GRAMD2B: variants seen among roughly 807,000 people sequenced by gnomAD.
GRAMD2B encodes GRAM domain-containing protein 2B.
A neutral mutation model predicts 59.2 loss-of-function variants in GRAMD2B; 41 were observed. The observed-to-expected ratio is 0.69, with a 90% CI of 0.54 to 0.90. The LOEUF (loss-of-function observed/expected upper bound fraction) is 0.90. GRAMD2B is among the 40% of genes least tolerant of loss of function. The pLI, the probability that GRAMD2B is intolerant of heterozygous loss-of-function variation, is 0.00. For synonymous variants in GRAMD2B, 161 were observed against 182.7 expected, an observed-to-expected ratio of 0.88 and a Z score of 0.96; for missense variants, 424 against 500.5, an observed-to-expected ratio of 0.85 and a Z score of 1.46.
intron 1 of GRAMD2B, among the ~76,000 whole-genome samples, chr5:126,455,302 C>T (rs994406093): frequency 2.0e-5 from 3 of 152,034 alleles, no homozygotes; most frequent in South Asian, 4.1e-4. Flanking sequence ...CATTTTATTC[C>T]TTCTGTTTAA....
chr5:126,360,171 C>T lies in GRAMD2B; in HGVS notation c.-161C>T. On this transcript the variant is annotated 5_prime_UTR_variant, in exon 1 of 14. Coordinates refer to the GRAMD2B transcript ENST00000513040. ...GTTTCAAGTGCGGCTGGTGCCATCC[C>T]TCTGAGCAGACGCTGAAAGAGAAAA... 5.3e-6 allele frequency: 4 copies of T among 751,118 alleles called. No individual in the cohort carries two copies. The Admixed American group carries it at 8.4e-5, about 16-fold the overall frequency. The allele number at this position is 751,118 out of a possible 1,614,324, so 46.5% of individuals were successfully genotyped here. A position where few individuals can be genotyped will look rare whatever the true frequency, so the allele number is the denominator to read the frequency against.
At chr5:126,428,467 G>T (rs908756629) in intron 1 of GRAMD2B, among the ~76,000 whole-genome samples, 8 of 152,062 alleles carry the variant, frequency 5.3e-5, no homozygotes, top group African/African-American at 1.9e-4. Context: ...GAAAGGTTTT[G>T]AAAAAAATAT....
In GRAMD2B at chr5:126,425,806, T is replaced by C. The variant is rs1580905869; in HGVS notation, c.83+2117T>C. ...TTAATTTAAAAATAAATTTAGAAGTTGGATTCATAGAAATAGAGAGTAGAA... is the reference window on the plus strand; with the variant it reads ...TTAATTTAAAAATAAATTTAGAAGTCGGATTCATAGAAATAGAGAGTAGAA... On this transcript the variant is annotated intron_variant, in intron 1 of 13. Coordinates refer to ENST00000285689, the MANE Select transcript of GRAMD2B (RefSeq NM_023927.4). Among the ~76,000 whole-genome samples, 3 of 152,154 alleles carry C rather than the reference T, an allele frequency of 2.0e-5. No homozygotes were observed. In the East Asian group the frequency reaches 5.8e-4, roughly 29 times the overall value.
At chr5:126,476,650 ATTTC>A (rs1263998415) in intron 5 of GRAMD2B, among the ~76,000 whole-genome samples, 2 of 152,194 alleles carry the variant, frequency 1.3e-5, no homozygotes, top group Admixed American at 6.5e-5. Context: ...CTCTAAATAA[ATTTC>A]TTTATTTCTC....
At chr5:126,386,316 C>T (rs1235493961) in intron 1 of GRAMD2B, among the ~76,000 whole-genome samples, 1 of 152,208 alleles carries the variant, frequency 6.6e-6, no homozygotes, top group Non-Finnish European at 1.5e-5. Context: ...AATTCCAAAT[C>T]AGTCATTGAT....
At chr5:126,479,012 T>A (rs1771189480) in intron 6 of GRAMD2B, among the ~76,000 whole-genome samples, 1 of 152,212 alleles carries the variant, frequency 6.6e-6, no homozygotes, top group Non-Finnish European at 1.5e-5. Context: ...CTGAATTGAC[T>A]ATTGGGCTAC....
At chr5:126,477,258 T>C (rs373947489) in intron 5 of GRAMD2B, among the ~76,000 whole-genome samples, 2 of 152,350 alleles carry the variant, frequency 1.3e-5, no homozygotes. Flanking sequence ...TCCCAGATTT[T>C]CTATCCAGTG....
At chr5:126,465,269 T>C (rs1183757370) in intron 1 of GRAMD2B, 157 bp from the exon 2 acceptor site, 1 of 1,474,064 alleles carries the variant, frequency 6.8e-7, no homozygotes. Context: ...GGGGTTAGAA[T>C]GGAGATTGGG....
At chr5:126,426,417 G>A (rs1474681931) in intron 1 of GRAMD2B, among the ~76,000 whole-genome samples, 10 of 151,956 alleles carry the variant, frequency 6.6e-5, no homozygotes, top group Admixed American at 6.6e-4. Flanking sequence ...GTACATATGT[G>A]GCTTCCGCCT....
chr5:126,475,609 T>C (rs987559908), intron 5 of GRAMD2B, among the ~76,000 whole-genome samples: 16 of 152,208 alleles, frequency 1.1e-4, no homozygotes, highest in Non-Finnish European at 2.2e-4. Context: ...GCCTAGATCA[T>C]TGAGGGCAAT....
At chr5:126,452,543 G>A (rs922247294) in intron 1 of GRAMD2B, among the ~76,000 whole-genome samples, 4 of 152,056 alleles carry the variant, frequency 2.6e-5, no homozygotes, top group Non-Finnish European at 5.9e-5. Context: ...ACCATGGCAG[G>A]GCCTTTTATT....
intron 1 of GRAMD2B, among the ~76,000 whole-genome samples, chr5:126,372,407 CGTT>C (rs1754843571): frequency 6.6e-6 from 1 of 152,086 alleles, no homozygotes; most frequent in South Asian, 2.1e-4. Context: ...TAAATATGAT[CGTT>C]GTTTTCTTTT....
intron 1 of GRAMD2B, among the ~76,000 whole-genome samples, chr5:126,433,044 A>G: frequency 6.6e-6 from 1 of 152,244 alleles, no homozygotes; most frequent in Non-Finnish European, 1.5e-5. Flanking sequence ...GATGAAACAC[A>G]TAAAGCCTTT....
chr5:126,433,594 T>G (rs1425723403), intron 1 of GRAMD2B: 1 of 152,252 alleles, frequency 6.6e-6, no homozygotes, highest in African/African-American at 2.4e-5. Context: ...TTCTCTGTAT[T>G]GTTAAACACA....
Position 126,473,296 on chromosome 5 carries a change from A to G in GRAMD2B, c.414A>G (p.Leu138=). 5 of 1,521,590 alleles carry G rather than the reference A, an allele frequency of 3.3e-6. No homozygotes were observed. Among genetic ancestry groups the G allele is most frequent in the Non-Finnish European group, 2.7e-6 (3 of 1,122,260 alleles). The allele number at this position is 1,521,590 out of a possible 1,614,324, so 94.3% of individuals were successfully genotyped here. The part of the protein sequence containing the change: ...SFTCALQKEI[L]YQGKLFVSEN... ...CCTGTGCTCTACAGAAAGAAATACT[A>G]TACCAAGGAAAGCTCTTTGTATCAG... The change falls in exon 5 of 14, where the codon CTA becomes CTG. Residue 138 remains leucine, a synonymous_variant. Transcript: ENST00000285689.
intron 1 of GRAMD2B, among the ~76,000 whole-genome samples, chr5:126,373,637 C>T (rs1177439482): frequency 6.6e-6 from 1 of 152,164 alleles, no homozygotes; most frequent in Admixed American, 6.5e-5. Flanking sequence ...TGAATGAATG[C>T]ATATGTGCAT....
At chr5:126,458,487 G>A (rs192436820) in intron 1 of GRAMD2B, among the ~76,000 whole-genome samples, 3 of 152,034 alleles carry the variant, frequency 2.0e-5, no homozygotes, top group African/African-American at 7.2e-5. Context: ...AAATAATAAG[G>A]GACTGGAGTA....
chr5:126,486,570 A>G (rs1383656394), intron 11 of GRAMD2B, among the ~76,000 whole-genome samples: 1 of 152,186 alleles, frequency 6.6e-6, no homozygotes, highest in African/African-American at 2.4e-5. Context: ...AGAGGACGGT[A>G]GTACCGCAGG....
rs575535648 is a variant in GRAMD2B, at chr5:126,376,827, A to G, written c.125+5260A>G. 9.2e-5 allele frequency among the ~76,000 whole-genome samples: 14 copies of G among 152,260 alleles called. No individual in the cohort carries two copies. In the East Asian group the frequency reaches 2.7e-3, roughly 29 times the overall value. On this transcript the variant is annotated intron_variant, in intron 1 of 8. Transcript: ENST00000506445. Reference sequence around the variant, plus strand: ...GGTATTTCAGCAAATGGGCAAGGTCAGGGCAGGAGGACCTATGAACTCTGC... The same window carrying G: ...GGTATTTCAGCAAATGGGCAAGGTCGGGGCAGGAGGACCTATGAACTCTGC...
Sources: allele counts gnomAD v4.1 joint callset (sites outside exome capture counted in the v4.1 genomes callset), GRCh38; gene constraint gnomAD v4.1.1; transcripts MANE v1.5; gene names NCBI Gene and HGNC (gene_info 2026-07-23, HGNC 2026-07-21).